Variants in SLC25A21 observed in about 807,000 individuals in gnomAD.
SLC25A21 encodes mitochondrial 2-oxodicarboxylate carrier.
In SLC25A21, 47 loss-of-function variants were observed where a neutral mutation model predicts 43.8. That is an observed-to-expected ratio of 1.07 (90% CI 0.85 to 1.37). The LOEUF (loss-of-function observed/expected upper bound fraction) is 1.37, where lower values mean the gene tolerates loss of function less well. Among genes scored for constraint, SLC25A21 ranks in the 40% most tolerant of loss-of-function variants. SLC25A21 has a pLI of 0.00. For synonymous variants in SLC25A21, 131 were observed against 121.3 expected (o/e 1.08, Z -0.52); for missense variants, 352 against 350.2 (o/e 1.00, Z -0.04).
chr14:36,686,385 CT>C (rs1185095296), intron 7 of SLC25A21, among the ~76,000 whole-genome samples: 2 of 152,040 alleles, frequency 1.3e-5, no homozygotes, highest in African/African-American at 2.4e-5. Context: ...AGAAAAATGC[CT>C]TTATGTTACT....
intron 1 of SLC25A21, among the ~76,000 whole-genome samples, chr14:37,057,434 G>A (rs553207312): frequency 4.6e-4 from 70 of 152,270 alleles, no homozygotes; most frequent in Middle Eastern, 6.8e-3. Context: ...GTTATAATTG[G>A]AGGATTTTCA....
At chr14:36,982,583 G>T (rs943140381) in intron 1 of SLC25A21, among the ~76,000 whole-genome samples, 1 of 152,106 alleles carries the variant, frequency 6.6e-6, no homozygotes, top group East Asian at 1.9e-4. Flanking sequence ...GGGAGGCCAA[G>T]GCAGATGGAT....
At chr14:36,948,262 C>G (rs1220697436) in intron 1 of SLC25A21, among the ~76,000 whole-genome samples, 3 of 152,090 alleles carry the variant, frequency 2.0e-5, no homozygotes, top group Non-Finnish European at 4.4e-5. Context: ...CTCTAATTAA[C>G]TGGGATAATA....
At chr14:37,033,933 A>G (rs866492625) in intron 1 of SLC25A21, among the ~76,000 whole-genome samples, 1 of 152,184 alleles carries the variant, frequency 6.6e-6, no homozygotes, top group South Asian at 2.1e-4. Context: ...ATTTCCAAGA[A>G]GCTGAACACT....
intron 1 of SLC25A21, among the ~76,000 whole-genome samples, chr14:37,039,258 G>A (rs1388073870): frequency 1.3e-5 from 2 of 152,138 alleles, no homozygotes; most frequent in East Asian, 1.9e-4. Context: ...GTTTTTAACT[G>A]AGGTATAATT....
intron 1 of SLC25A21, among the ~76,000 whole-genome samples, chr14:37,016,220 T>A (rs546780721): frequency 1.3e-5 from 2 of 152,326 alleles, no homozygotes; most frequent in South Asian, 4.1e-4. Flanking sequence ...AATTTTTGTA[T>A]AAAGTGTAAG....
intron 1 of SLC25A21, among the ~76,000 whole-genome samples, chr14:37,016,765 T>C (rs531223573): frequency 1.2e-4 from 19 of 152,240 alleles, no homozygotes; most frequent in African/African-American, 4.6e-4. Flanking sequence ...GCCACCTTCA[T>C]CAACGATCTT....
At chr14:36,832,358 G>T (rs1397291725) in intron 2 of SLC25A21, among the ~76,000 whole-genome samples, 1 of 151,958 alleles carries the variant, frequency 6.6e-6, no homozygotes, top group Non-Finnish European at 1.5e-5. Flanking sequence ...CCCTAGACAG[G>T]ACAAGAGACA....
At chr14:36,681,301 A>C (rs1200669426) in intron 9 of SLC25A21, among the ~76,000 whole-genome samples, 4 of 152,214 alleles carry the variant, frequency 2.6e-5, no homozygotes, top group African/African-American at 9.6e-5. Context: ...TATCTGCTTC[A>C]GTTGTATATG....
Position 37,098,794 on chromosome 14 carries a change from TAGATAGATAGA to T in SLC25A21, c.70+73476_70+73486del, listed in dbSNP as rs1566880458. On this transcript the variant is annotated intron_variant, in intron 1 of 9. Coordinates refer to ENST00000331299, the MANE Select transcript of SLC25A21 (RefSeq NM_030631.4). ...ACAGACAGACAGACAGACAGATAGA[TAGATAGATAGA>T]TTTTTTTTTTTTTTTGAGACAAAGT... Among the ~76,000 whole-genome samples, 446 of 112,012 alleles carry T rather than the reference TAGATAGATAGA, an allele frequency of 4.0e-3. 27 individuals are homozygous for T. The East Asian group carries it at 0.12, about 29-fold the overall frequency. The allele number at this position is 112,012 out of a possible 152,430, so 73.5% of individuals were successfully genotyped here.
intron 1 of SLC25A21, among the ~76,000 whole-genome samples, chr14:37,064,142 G>A (rs1962010394): frequency 6.6e-6 from 1 of 152,078 alleles, no homozygotes; most frequent in Non-Finnish European, 1.5e-5. Context: ...AGACAGAGAA[G>A]ACAAATTATC....
At chr14:36,976,319 C>T (rs901067258) in intron 1 of SLC25A21, among the ~76,000 whole-genome samples, 1 of 152,064 alleles carries the variant, frequency 6.6e-6, no homozygotes, top group South Asian at 2.1e-4. Context: ...CAGTACTGGG[C>T]AAGGGGCAGT....
At chr14:36,927,855 C>A (rs777135356) in intron 1 of SLC25A21, among the ~76,000 whole-genome samples, 1 of 152,054 alleles carries the variant, frequency 6.6e-6, no homozygotes, top group Non-Finnish European at 1.5e-5. Flanking sequence ...TCTGAAATAA[C>A]AACTCCAACA....
chr14:36,909,336 T>C (rs1485015198), intron 1 of SLC25A21, among the ~76,000 whole-genome samples: 1 of 141,746 alleles, frequency 7.1e-6, no homozygotes, highest in African/African-American at 2.9e-5. Context: ...AGTGAGAAGA[T>C]AAGATGCAAA....
At chr14:36,920,526 T>C (rs1375939853) in intron 1 of SLC25A21, among the ~76,000 whole-genome samples, 1 of 152,048 alleles carries the variant, frequency 6.6e-6, no homozygotes, top group Non-Finnish European at 1.5e-5. Context: ...CTTAAAAATA[T>C]TGGGCCATTG....
chr14:36,770,831 T>C (rs1165928356), intron 3 of SLC25A21, among the ~76,000 whole-genome samples: 1 of 152,230 alleles, frequency 6.6e-6, no homozygotes, highest in Non-Finnish European at 1.5e-5. Flanking sequence ...ATAATCAGTC[T>C]TAAAAACTTG....
chr14:36,996,036 G>A (rs1960364760), intron 1 of SLC25A21, among the ~76,000 whole-genome samples: 1 of 152,124 alleles, frequency 6.6e-6, no homozygotes, highest in Admixed American at 6.5e-5. Context: ...GGCAGAACCT[G>A]CTTTCCAACC....
At chr14:37,067,816 T>C (rs766915883) in intron 1 of SLC25A21, among the ~76,000 whole-genome samples, 2 of 152,256 alleles carry the variant, frequency 1.3e-5, no homozygotes, top group African/African-American at 4.8e-5. Context: ...TACTTATTTA[T>C]GAAAATATTA....
At chr14:36,724,505 C>T (rs1884509644) in intron 6 of SLC25A21, among the ~76,000 whole-genome samples, 1 of 152,240 alleles carries the variant, frequency 6.6e-6, no homozygotes, top group Non-Finnish European at 1.5e-5. Context: ...ATTTCTACCA[C>T]ATGCTACCTA....
Sources: allele counts gnomAD v4.1 joint callset (sites outside exome capture counted in the v4.1 genomes callset), GRCh38; gene constraint gnomAD v4.1.1; transcripts MANE v1.5; gene names NCBI Gene and HGNC (gene_info 2026-07-23, HGNC 2026-07-21).